Variants in RPS24 observed in about 807,000 individuals in gnomAD.
RPS24 encodes the protein small ribosomal subunit protein eS24.
For synonymous variants in RPS24, 72 were observed against 55.6 expected (o/e 1.30, Z -1.31); for missense variants, 100 against 162.5 (o/e 0.62, Z 2.09).
Position 78,035,654 on chromosome 10 carries a change from C to G in RPS24, c.213C>G (p.Gly71=). ...RTHFGGGKTT[G]FGMIYDSLDY... is the part of the protein sequence containing the mutation. ...ATTTTGGTGGTGGCAAGACAACTGG[C>G]TTTGGCATGATTTATGATTCCCTGG... Residue 71 remains glycine (G), a synonymous_variant, in exon 3 of 6, where the codon GGC becomes GGG. Transcript: ENST00000372360. The G allele has an allele frequency of 5.0e-6, 8 of 1,607,746 alleles. No individual in the cohort carries two copies. The highest frequency in any genetic ancestry group is 5.9e-6 in the Non-Finnish European group (7 of 1,179,896).
chr10:78,055,923 T>C (rs1315779742), exon 5 of RPS24: 1 of 152,256 alleles, frequency 6.6e-6, no homozygotes, highest in Non-Finnish European at 1.5e-5. Context: ...TGGCTAATTT[T>C]TGTATTTTTA....
At chr10:78,049,182 A>C (rs1173183283) in intron 4 of RPS24, 3 of 152,202 alleles carry the variant, frequency 2.0e-5, no homozygotes, top group East Asian at 1.9e-4. Flanking sequence ...TCTGACAGCA[A>C]GTGAGCCGTT....
At chr10:78,045,276 C>G (rs181923972), downstream of RPS24, among the ~76,000 whole-genome samples, 1 of 152,056 alleles carries the variant, frequency 6.6e-6, no homozygotes, top group Non-Finnish European at 1.5e-5. Context: ...CGTGAGGCAC[C>G]GCGCCTGGCC....
chr10:78,045,956 C>A (rs1848039101), intron 4 of RPS24, among the ~76,000 whole-genome samples: 1 of 151,994 alleles, frequency 6.6e-6, no homozygotes, highest in Non-Finnish European at 1.5e-5. Flanking sequence ...GAGCCGAGAC[C>A]ATGCCACTGC....
exon 5 of RPS24, chr10:78,054,818 A>G: frequency 1.3e-6 from 2 of 1,551,586 alleles, no homozygotes; most frequent in Non-Finnish European, 1.7e-6. Context: ...CGCCTGCCTC[A>G]CCTGCTCCTG....
At chr10:78,048,104 C>T (rs567198097) in intron 4 of RPS24, among the ~76,000 whole-genome samples, 1 of 152,154 alleles carries the variant, frequency 6.6e-6, no homozygotes, top group Non-Finnish European at 1.5e-5. Context: ...TCAAGGACCT[C>T]GGATTGCAGG....
chr10:78,053,186 CA>C (rs57899265), intron 4 of RPS24, among the ~76,000 whole-genome samples: 78 of 140,900 alleles, frequency 5.5e-4, no homozygotes, highest in Non-Finnish European at 5.5e-4. Flanking sequence ...ACAACAACAA[CA>C]AAAAAAAAAA....
intron 4 of RPS24, among the ~76,000 whole-genome samples, chr10:78,048,116 G>A (rs1050755009): frequency 1.3e-5 from 2 of 152,146 alleles, no homozygotes; most frequent in Non-Finnish European, 2.9e-5. Context: ...GATTGCAGGG[G>A]ATCTGTAAAC....
chr10:78,038,628 C>G (rs1201442482), intron 4 of RPS24: 2 of 151,556 alleles, frequency 1.3e-5, no homozygotes, highest in South Asian at 4.2e-4. Flanking sequence ...CCCACAAGCA[C>G]TTGGTTAGAA....
rs370476367 is a variant in RPS24, at chr10:78,033,898, C to T, written c.-4C>T. The T allele has an allele frequency of 1.3e-4, 209 of 1,614,016 alleles. 1 individual carries two copies. In the African/African-American group the frequency reaches 1.7e-3, roughly 13 times the overall value. On this transcript the variant is annotated 5_prime_UTR_variant, in exon 1 of 6. Transcript: ENST00000372360. ...CCTTGGCTGTCTGAAGATAGATCGCCATCATGGTGAGTCTCCCTGGGCCCG... is the reference window on the plus strand; with the variant it reads ...CCTTGGCTGTCTGAAGATAGATCGCTATCATGGTGAGTCTCCCTGGGCCCG...
downstream of RPS24, among the ~76,000 whole-genome samples, chr10:78,043,537 A>G (rs1012670744): frequency 1.3e-5 from 2 of 152,182 alleles, no homozygotes; most frequent in Non-Finnish European, 2.9e-5. Context: ...GCCAGTTGCC[A>G]TGGGTTTATT....
chr10:78,052,317 C>T (rs7072933), intron 4 of RPS24, among the ~76,000 whole-genome samples: 2 of 152,184 alleles, frequency 1.3e-5, no homozygotes, highest in East Asian at 3.9e-4. Context: ...ACCGCCACCA[C>T]CCCCGGCTTA....
intron 4 of RPS24, among the ~76,000 whole-genome samples, chr10:78,051,674 C>T (rs1848100089): frequency 6.6e-6 from 1 of 152,204 alleles, no homozygotes; most frequent in African/African-American, 2.4e-5. Flanking sequence ...TTTTATGTTC[C>T]CACCAGCAAT....
Position 78,034,048 on chromosome 10 carries a change from T to C in RPS24, c.3+144T>C. 2.8e-6 allele frequency: 3 copies of C among 1,065,980 alleles called. No individual in the cohort carries two copies. The South Asian group carries it at 3.7e-5, about 13-fold the overall frequency. The allele number at this position is 1,065,980 out of a possible 1,614,324, so 66.0% of individuals were successfully genotyped here. A position where few individuals can be genotyped will look rare whatever the true frequency, so the allele number is the denominator to read the frequency against. On this transcript the variant is annotated intron_variant, in intron 1 of 5. Coordinates refer to ENST00000372360, the MANE Select transcript of RPS24 (RefSeq NM_033022.4). ...TGTCAGAGGATGGTTGTCGAGGGGC[T>C]CGGGGCTGTTGGCAGGGCGTCCGGG... is the stretch of plus-strand genomic sequence containing the variant.
chr10:78,038,082 T>A lies in RPS24; in HGVS notation c.390+778T>A, dbSNP rs1055960793. On this transcript the variant is annotated intron_variant, in intron 4 of 5. Coordinates refer to ENST00000372360, the MANE Select transcript of RPS24 (RefSeq NM_033022.4). ...GCCTTTGGACGACAGTTTTATAGTA[T>A]GGTCGATTATAATGCCAGTGCTATT... is the stretch of plus-strand genomic sequence containing the variant. 6 of 679,718 alleles carry A rather than the reference T, an allele frequency of 8.8e-6. No homozygotes were observed. In the Admixed American group the frequency reaches 1.0e-4, roughly 12 times the overall value. 42.1% of individuals were successfully genotyped at this position (679,718 alleles called of 1,614,324 possible). A position where few individuals can be genotyped will look rare whatever the true frequency, so the allele number is the denominator to read the frequency against.
chr10:78,050,351 G>A (rs556261857), intron 4 of RPS24, among the ~76,000 whole-genome samples: 1 of 152,238 alleles, frequency 6.6e-6, no homozygotes, highest in African/African-American at 2.4e-5. Context: ...CACTTACCTG[G>A]GGCTGAGGAG....
intron 4 of RPS24, chr10:78,039,925 A>G: frequency 2.0e-6 from 1 of 510,124 alleles, no homozygotes; most frequent in Non-Finnish European, 3.6e-6. Context: ...CATCCTGGGT[A>G]CCACATTGGC....
At position 78,035,582 on chromosome 10, in the gene RPS24, G is replaced by A. The variant is rs1425514848; in HGVS notation, c.141G>A (p.Met47Ile). Residue 47 changes from methionine to isoleucine, a missense_variant, in exon 3 of 6, where the codon ATG becomes ATA. Coordinates refer to ENST00000372360, the MANE Select transcript of RPS24 (RefSeq NM_033022.4). The part of the protein sequence containing the change: ...KTEIREKLAK[M>I]YKTTPDVIFV... ...AAATTCGGGAAAAACTAGCCAAAAT[G>A]TACAAGACCACACCGGATGTCATCT... The A allele has an allele frequency of 1.9e-6, 3 of 1,613,820 alleles. No individual in the cohort carries two copies. Among genetic ancestry groups the A allele is most frequent in the Admixed American group, 1.7e-5 (1 of 60,008 alleles).
At chr10:78,048,206 C>T (rs1025471262) in intron 4 of RPS24, among the ~76,000 whole-genome samples, 5 of 152,216 alleles carry the variant, frequency 3.3e-5, no homozygotes, top group Non-Finnish European at 5.9e-5. Flanking sequence ...AAGGTGGAAT[C>T]TCTCAAACAA....
Sources: gnomAD v4.1 joint callset for allele counts (sites outside exome capture counted in the v4.1 genomes callset) on GRCh38, gnomAD v4.1.1 for gene constraint, MANE v1.5 for transcripts, NCBI Gene and HGNC (gene_info 2026-07-23, HGNC 2026-07-21) for gene names.